Variants in FKBP6 observed in about 807,000 individuals in gnomAD.
The protein encoded by FKBP6 is inactive peptidyl-prolyl cis-trans isomerase FKBP6.
Under a neutral mutation model 41.7 loss-of-function variants are expected in FKBP6, and 29 were observed. The ratio of observed to expected loss-of-function variants is 0.70; its 90% CI spans 0.52 to 0.95. The LOEUF (loss-of-function observed/expected upper bound fraction) is 0.95, where lower values mean the gene tolerates loss of function less well. Among genes scored for constraint, FKBP6 ranks in the 40% least tolerant of loss-of-function variants. The pLI is 0.00. For synonymous variants in FKBP6, 130 were observed against 165.1 expected (o/e 0.79, Z 1.63); for missense variants, 338 against 408.7 (o/e 0.83, Z 1.49).
intron 8 of FKBP6, among the ~76,000 whole-genome samples, chr7:73,357,039 C>A (rs1554552049): frequency 6.6e-6 from 1 of 152,138 alleles, no homozygotes. Flanking sequence ...AGCTTGGCCT[C>A]CCAAAGTGCT....
intron 8 of FKBP6, among the ~76,000 whole-genome samples, 196 bp downstream of exon 8, chr7:73,343,095 C>G (rs782397397): frequency 6.6e-6 from 1 of 152,220 alleles, no homozygotes; most frequent in Non-Finnish European, 1.5e-5. Context: ...GAAGAAAGTT[C>G]GCCCAGACCT....
chr7:73,337,678 C>T (rs1480863859), intron 5 of FKBP6, among the ~76,000 whole-genome samples: 2 of 152,018 alleles, frequency 1.3e-5, no homozygotes. Flanking sequence ...GCTCTGCCTT[C>T]ATCCATTTTT....
intron 5 of FKBP6, 137 bp downstream of exon 5, chr7:73,331,913 G>T (rs546867226): frequency 1.2e-6 from 1 of 843,486 alleles, no homozygotes; most frequent in Non-Finnish European, 1.9e-6. Context: ...GCCCAGGCTG[G>T]AGTGCAGTGG....
chr7:73,346,241 C>T (rs993512058), intron 8 of FKBP6, among the ~76,000 whole-genome samples: 10 of 152,234 alleles, frequency 6.6e-5, no homozygotes, highest in Non-Finnish European at 1.0e-4. Context: ...TGCCCTGCCC[C>T]GCGTGGCCCG....
At chr7:73,336,986 A>ATG (rs1554548647) in intron 5 of FKBP6, 2 of 334,402 alleles carry the variant, frequency 6.0e-6, no homozygotes, top group African/African-American at 4.3e-5. Flanking sequence ...ATTTAAACCA[A>ATG]GGAATAACTG....
At chr7:73,336,127 G>T (rs1804999118) in intron 5 of FKBP6, among the ~76,000 whole-genome samples, 1 of 152,162 alleles carries the variant, frequency 6.6e-6, no homozygotes, top group Non-Finnish European at 1.5e-5. Context: ...CCCAAAATGT[G>T]TATGTTGAAA....
At position 73,349,546 on chromosome 7, in the gene FKBP6, CAAAAAAAAA is replaced by C. The variant is rs1175280907; in HGVS notation, c.*2+6660_*2+6668del. On this transcript the variant is annotated intron_variant, in intron 8 of 8. Coordinates refer to ENST00000252037, the MANE Select transcript of FKBP6 (RefSeq NM_003602.5). ...GTGAAACCCCGTCTCTACTAAAATA[CAAAAAAAAA>C]AAAAAAAAAAAATACAGGCGTGGTG... 6.2e-5 allele frequency among the ~76,000 whole-genome samples: 3 copies of C among 48,690 alleles called. 1 individual carries two copies. Among genetic ancestry groups the C allele is most frequent in the South Asian group, 1.3e-3 (2 of 1,536 alleles). 31.9% of individuals were successfully genotyped at this position (48,690 alleles called of 152,430 possible). A position where few individuals can be genotyped will look rare whatever the true frequency, so the allele number is the denominator to read the frequency against.
In FKBP6 at chr7:73,329,368, T is replaced by C. The variant is rs1804756112; in HGVS notation, c.184T>C (p.Ser62Pro). 1.9e-6 allele frequency: 3 copies of C among 1,596,246 alleles called. No homozygotes were observed. The highest frequency in any genetic ancestry group is 1.7e-6 in the Non-Finnish European group (2 of 1,163,652). The change falls in exon 3 of 9, where the codon TCG (serine) becomes CCG (proline). Residue 62 changes from serine (S) to proline (P), a missense_variant. Coordinates refer to ENST00000252037, the MANE Select transcript of FKBP6 (RefSeq NM_003602.5). ...APDASVLVKY[S>P]GYLEHMDRPF... ...TCTTTCTTCTATCCTAGTGAAATAC[T>C]CGGGATACCTGGAACACATGGACAG...
intron 5 of FKBP6, among the ~76,000 whole-genome samples, chr7:73,332,437 C>T (rs1328105466): frequency 6.7e-6 from 1 of 149,838 alleles, no homozygotes; most frequent in African/African-American, 2.5e-5. Flanking sequence ...TGCAGTGAGC[C>T]GAGATTGTGC....
At chr7:73,349,108 A>T (rs891305586) in intron 8 of FKBP6, among the ~76,000 whole-genome samples, 3 of 151,888 alleles carry the variant, frequency 2.0e-5, no homozygotes, top group Non-Finnish European at 4.4e-5. Context: ...CTGTCCCAAA[A>T]AAAAAAATTT....
At chr7:73,353,434 A>G (rs1057137999) in intron 8 of FKBP6, among the ~76,000 whole-genome samples, 2 of 152,212 alleles carry the variant, frequency 1.3e-5, no homozygotes, top group Admixed American at 1.3e-4. Context: ...CTGCATCCTC[A>G]GCATTCTCGG....
intron 7 of FKBP6, 108 bp downstream of exon 7, chr7:73,341,490 T>A: frequency 1.3e-6 from 1 of 792,768 alleles, no homozygotes; most frequent in Non-Finnish European, 2.2e-6. Flanking sequence ...GCCCAGAGTG[T>A]TAGGAGGCCG....
At position 73,331,676 on chromosome 7, in the gene FKBP6, C is replaced by G. The variant is rs782429549; in HGVS notation, c.488C>G (p.Pro163Arg). The G allele has an allele frequency of 2.5e-6, 4 of 1,613,622 alleles. No individual in the cohort carries two copies. The highest frequency in any genetic ancestry group is 2.2e-5 in the East Asian group (1 of 44,874). The change falls in exon 5 of 9, where the codon CCA becomes CGA. Residue 163 changes from proline (P) to arginine (R), a missense_variant. Coordinates refer to ENST00000252037, the MANE Select transcript of FKBP6 (RefSeq NM_003602.5). ...ALSAEQQDQF[P>R]LQKVLKVAAT... Reference sequence around the variant, plus strand: ...CCTCAGGAGCAGCAAGACCAATTTCCACTTCAGAAGGTCCTGAAAGTGGCA... The same window carrying G: ...CCTCAGGAGCAGCAAGACCAATTTCGACTTCAGAAGGTCCTGAAAGTGGCA...
intron 7 of FKBP6, among the ~76,000 whole-genome samples, 189 bp from the exon 8 acceptor site, chr7:73,342,617 TG>T (rs1228049674): frequency 2.0e-5 from 3 of 152,200 alleles, no homozygotes; most frequent in African/African-American, 4.8e-5. Context: ...TCCAGGGGCT[TG>T]GCTCCTTGGC....
intron 8 of FKBP6, among the ~76,000 whole-genome samples, chr7:73,357,417 G>A (rs1417048189): frequency 1.3e-5 from 2 of 151,400 alleles, no homozygotes; most frequent in African/African-American, 2.4e-5. Context: ...CAGCCACCAC[G>A]CCTGGCTAAT....
chr7:73,330,138 C>G lies in FKBP6; in HGVS notation c.266-12C>G. 2 of 1,607,904 alleles carry G rather than the reference C, an allele frequency of 1.2e-6. No individual in the cohort carries two copies. Among genetic ancestry groups the G allele is most frequent in the Non-Finnish European group, 8.5e-7 (1 of 1,174,338 alleles). On this transcript the variant is annotated splice_polypyrimidine_tract_variant and intron_variant, in intron 3 of 8. Transcript: ENST00000252037. Reference sequence around the variant, plus strand: ...AGCAAGCTTCACCCACCTTCTTTGTCCATTCTTACAGATATTACACTGTGG... The same window carrying G: ...AGCAAGCTTCACCCACCTTCTTTGTGCATTCTTACAGATATTACACTGTGG...
rs115951029 is a variant in FKBP6, at chr7:73,355,010, C to T, written c.*3-3171C>T. Among the ~76,000 whole-genome samples the T allele has an allele frequency of 6.3e-3, 960 of 152,346 alleles. 14 individuals are homozygous for T. The highest frequency in any genetic ancestry group is 0.021 in the African/African-American group (888 of 41,580). On this transcript the variant is annotated intron_variant, in intron 8 of 8. Transcript: ENST00000252037. The stretch of plus-strand genomic sequence containing the variant: ...CTACAGCCTCCAGCCCGTGGCTCCG[C>T]GATTACATCACTCCTCTGTCTTCTC...
chr7:73,332,577 C>T (rs142908726), intron 5 of FKBP6, among the ~76,000 whole-genome samples: 53 of 151,410 alleles, frequency 3.5e-4, no homozygotes, highest in African/African-American at 1.3e-3. Flanking sequence ...AGGGGACTCT[C>T]GAGGGGATAA....
At chr7:73,337,580 C>T (rs977603365) in intron 5 of FKBP6, among the ~76,000 whole-genome samples, 7 of 152,120 alleles carry the variant, frequency 4.6e-5, no homozygotes, top group Non-Finnish European at 7.4e-5. Context: ...TCCCAAAGTG[C>T]TGGGATTCCA....
Sources: gnomAD v4.1 joint callset for allele counts (sites outside exome capture counted in the v4.1 genomes callset) on GRCh38, gnomAD v4.1.1 for gene constraint, MANE v1.5 for transcripts, NCBI Gene and HGNC (gene_info 2026-07-23, HGNC 2026-07-21) for gene names.